UBE3B: variants seen among roughly 807,000 people sequenced by gnomAD.
UBE3B encodes the protein ubiquitin protein ligase E3B.
Under a neutral mutation model 132.3 loss-of-function variants are expected in UBE3B, and 80 were observed. The observed-to-expected ratio is 0.60, with a 90% CI of 0.50 to 0.73. UBE3B has a LOEUF of 0.73. UBE3B is among the 30% of genes least tolerant of loss of function. UBE3B has a pLI of 0.00. For synonymous variants in UBE3B, 487 were observed against 520.4 expected (o/e 0.94, Z 0.87); for missense variants, 1,196 against 1,362.5 (o/e 0.88, Z 1.92).
At position 109,498,370 on chromosome 12, in the gene UBE3B, G is replaced by A; in HGVS notation, c.940+17G>A. On this transcript the variant is annotated intron_variant, in intron 11 of 27. Transcript: ENST00000342494. ...GTCTAATGGGTAAGTATCCGTGGCT[G>A]GAACTTGATTGTGTCCTGGCCATCA... is the stretch of plus-strand genomic sequence containing the variant. 6.2e-7 allele frequency: 1 copy of A among 1,610,562 alleles called. No homozygotes were observed. Among genetic ancestry groups the A allele is most frequent in the East Asian group, 2.2e-5 (1 of 44,806 alleles).
intron 8 of UBE3B, chr12:109,490,597 G>C: frequency 3.9e-6 from 6 of 1,535,818 alleles, no homozygotes; most frequent in Non-Finnish European, 5.2e-6. Flanking sequence ...CTCGCTAGAG[G>C]AACCTTCTAC....
intron 17 of UBE3B, 122 bp from the exon 18 acceptor site, chr12:109,511,082 A>T: frequency 1.2e-6 from 1 of 820,992 alleles, no homozygotes; most frequent in Non-Finnish European, 2.0e-6. Context: ...TCATGTTCCC[A>T]TCAGACTCTT....
At chr12:109,514,784 T>A (rs988046934) in intron 18 of UBE3B, among the ~76,000 whole-genome samples, 1 of 152,066 alleles carries the variant, frequency 6.6e-6, no homozygotes, top group Non-Finnish European at 1.5e-5. Flanking sequence ...TGCATGGCCC[T>A]GGAACCTCTC....
chr12:109,526,490 G>A (rs1882349271), intron 24 of UBE3B, 74 bp downstream of exon 24: 13 of 1,460,638 alleles, frequency 8.9e-6, no homozygotes, highest in Non-Finnish European at 1.1e-5. Context: ...CTTATGTTGA[G>A]AATTTATTAA....
intron 1 of UBE3B, among the ~76,000 whole-genome samples, chr12:109,479,329 C>T (rs1874927375): frequency 6.6e-6 from 1 of 152,166 alleles, no homozygotes; most frequent in Admixed American, 6.5e-5. Context: ...CCCATTTAAT[C>T]CTAATCACAA....
In UBE3B at chr12:109,499,757, C is replaced by T; in HGVS notation, c.1065C>T (p.Asn355=). 6.2e-7 allele frequency: 1 copy of T among 1,611,922 alleles called. No homozygotes were observed. The highest frequency in any genetic ancestry group is 8.5e-7 in the Non-Finnish European group (1 of 1,178,868). ...AGTATGTGTCTCAGAAGAAGTCCAA[C>T]CTGACCCACTGGCATCCTGTCCTTG... ...CRKYVSQKKS[N]LTHWHPVLGW... The change falls in exon 12 of 28, where the codon AAC becomes AAT. Residue 355 remains asparagine, a synonymous_variant. Transcript: ENST00000342494.
At chr12:109,538,824 AAGC>A (rs1433904175), downstream of UBE3B, among the ~76,000 whole-genome samples, 1 of 152,202 alleles carries the variant, frequency 6.6e-6, no homozygotes, top group Admixed American at 6.5e-5. The surrounding 1 kb of genome is among the most constrained non-coding windows in gnomAD (Gnocchi z 4.1). Context: ...CACAGAACAG[AAGC>A]AAAGTGCCTT....
chr12:109,538,261 A>C (rs1883526347), downstream of UBE3B, among the ~76,000 whole-genome samples: 1 of 152,218 alleles, frequency 6.6e-6, no homozygotes, highest in South Asian at 2.1e-4. The surrounding 1 kb of genome is among the most constrained non-coding windows in gnomAD (Gnocchi z 4.1). Flanking sequence ...GTTCTCGCCA[A>C]GCTTGGCGAG....
At chr12:109,510,934 G>C (rs1027692701) in intron 17 of UBE3B, among the ~76,000 whole-genome samples, 1 of 152,238 alleles carries the variant, frequency 6.6e-6, no homozygotes, top group African/African-American at 2.4e-5. Flanking sequence ...TGTGGCACTA[G>C]AGCAGGGACT....
intron 22 of UBE3B, 63 bp downstream of exon 22, chr12:109,524,178 C>A: frequency 1.2e-6 from 2 of 1,601,616 alleles, no homozygotes; most frequent in Non-Finnish European, 8.5e-7. Context: ...CTTGCGAAGT[C>A]CCAGAAGGAG....
At chr12:109,486,600 A>G (rs1227749766) in intron 6 of UBE3B, 25 bp downstream of exon 6, 9 of 1,455,626 alleles carry the variant, frequency 6.2e-6, no homozygotes, top group Middle Eastern at 1.8e-4. Flanking sequence ...AAAAAAAAAA[A>G]AAAGCAAAAC....
Position 109,491,094 on chromosome 12 carries a change from G to A in UBE3B, c.680G>A (p.Gly227Asp), listed in dbSNP as rs776701584. Residue 227 changes from glycine (G) to aspartate (D), a missense_variant, in exon 9 of 28, where the codon GGC (glycine) becomes GAC (aspartate). Gly to Asp is a moderately conservative substitution (Grantham distance 94, BLOSUM62 -1). Transcript: ENST00000342494. ...AGACCCCGTCCTTGTCTATCCAAAG[G>A]CACTTTAACAGCAGCTTTTTCTCTA... ...LARPRPCLSKGTLTAAFSLAL... is the reference protein window; with the variant it reads ...LARPRPCLSKDTLTAAFSLAL... 6.2e-7 allele frequency: 1 copy of A among 1,613,948 alleles called. No homozygotes were observed. Among genetic ancestry groups the A allele is most frequent in the East Asian group, 2.2e-5 (1 of 44,872 alleles).
chr12:109,516,247 CTG>C (rs1479026251), intron 18 of UBE3B, among the ~76,000 whole-genome samples: 3 of 142,128 alleles, frequency 2.1e-5, no homozygotes, highest in Non-Finnish European at 4.5e-5. Context: ...TCTTGGCTCA[CTG>C]TAACCTCTGC....
rs201336062 is a variant in UBE3B at position 109,486,580 on chromosome 12, C to CAAAAAAAAAAAAAAAAAA, written c.447+11_447+28dup. 1.4e-5 allele frequency: 8 copies of CAAAAAAAAAAAAAAAAAA among 562,750 alleles called. No homozygotes were observed. Among genetic ancestry groups the CAAAAAAAAAAAAAAAAAA allele is most frequent in the East Asian group, 9.6e-5 (2 of 20,894 alleles). The allele number at this position is 562,750 out of a possible 1,614,324, so 34.9% of individuals were successfully genotyped here. The stretch of plus-strand genomic sequence containing the variant: ...GATTTTCTCAAGCAGCTCAAGGTAA[C>CAAAAAAAAAAAAAAAAAA]AAAAAAAAAAAAAAAAAAAAAAAGC... On this transcript the variant is annotated splice_donor_region_variant and intron_variant, in intron 6 of 27. Coordinates refer to ENST00000342494, the MANE Select transcript of UBE3B (RefSeq NM_130466.4).
At chr12:109,543,323 C>A in the UBE3B span, among the ~76,000 whole-genome samples, 1 of 152,216 alleles carries the variant, frequency 6.6e-6, no homozygotes, top group Non-Finnish European at 1.5e-5. Flanking sequence ...TCACCAGGTG[C>A]CAGAAACCAG....
Position 109,518,522 on chromosome 12 carries a change from TC to T in UBE3B, c.2076+1641del, listed in dbSNP as rs369617790. ...AAAAGCCCAATTGTGTGGTAGGGAC[TC>T]CCTTTCTAGCACTTCCCTCTGCAGA... On this transcript the variant is annotated intron_variant, in intron 19 of 27. Transcript: ENST00000342494. Among the ~76,000 whole-genome samples the T allele has an allele frequency of 1.5e-3, 232 of 152,290 alleles. 1 individual carries two copies. The highest frequency in any genetic ancestry group is 2.4e-3 in the Non-Finnish European group (164 of 68,026).
intron 7 of UBE3B, among the ~76,000 whole-genome samples, 163 bp downstream of exon 7, chr12:109,488,831 A>G (rs1158726058): frequency 6.6e-6 from 1 of 152,220 alleles, no homozygotes; most frequent in Non-Finnish European, 1.5e-5. Flanking sequence ...ACTGCATCGC[A>G]GTATCCACAA....
chr12:109,478,958 ATTTATGATGCTTCAGC>A (rs1388248251), intron 1 of UBE3B, among the ~76,000 whole-genome samples: 1 of 152,196 alleles, frequency 6.6e-6, no homozygotes. Context: ...AGCAGTTGGT[ATTTATGATGCTTCAGC>A]TTTGGAAATA....
intron 19 of UBE3B, among the ~76,000 whole-genome samples, chr12:109,517,575 C>T (rs779725749): frequency 3.4e-4 from 52 of 152,200 alleles, no homozygotes; most frequent in Admixed American, 9.8e-4. Flanking sequence ...TCTGTGTTAT[C>T]CATGCCACAG....
Sources: gnomAD v4.1 joint callset for allele counts (sites outside exome capture counted in the v4.1 genomes callset) on GRCh38, gnomAD v4.1.1 for gene constraint, Gnocchi (gnomAD v3.1) non-coding constraint, MANE v1.5 for transcripts, NCBI Gene and HGNC (gene_info 2026-07-23, HGNC 2026-07-21) for gene names.